SLC36A1: variants seen among roughly 807,000 people sequenced by gnomAD.
The protein encoded by SLC36A1 is solute carrier family 36 member 1.
In SLC36A1, 30 loss-of-function variants were observed where a neutral mutation model predicts 47.5. The observed-to-expected ratio is 0.63, with a 90% CI of 0.47 to 0.86. The LOEUF (loss-of-function observed/expected upper bound fraction) is 0.86. SLC36A1 is among the 40% of genes least tolerant of loss of function. The pLI is 0.00. For synonymous variants in SLC36A1, 255 were observed against 249.7 expected (o/e 1.02, Z -0.20); for missense variants, 517 against 606.0 (o/e 0.85, Z 1.54).
the SLC36A1 span, among the ~76,000 whole-genome samples, chr5:151,534,973 A>ATATATATATATATATATATATG: frequency 2.5e-5 from 2 of 80,056 alleles, no homozygotes; most frequent in Non-Finnish European, 4.6e-5. Context: ...CTAGGAAAAT[A>ATATATATATATATATATATATG]TATATATATA....
the SLC36A1 span, among the ~76,000 whole-genome samples, chr5:151,382,756 C>T: frequency 1.3e-5 from 2 of 152,214 alleles, no homozygotes; most frequent in African/African-American, 4.8e-5. Context: ...TGAGTGACAA[C>T]ATGAGTGAGT....
chr5:151,521,983 A>G, the SLC36A1 span: 1 of 1,614,186 alleles, frequency 6.2e-7, no homozygotes, highest in South Asian at 1.1e-5. Flanking sequence ...AACAGTGATG[A>G]AGATCTCCAG....
chr5:151,399,845 T>C, the SLC36A1 span, among the ~76,000 whole-genome samples: 2 of 152,220 alleles, frequency 1.3e-5, no homozygotes, highest in Non-Finnish European at 2.9e-5. Context: ...TAAGGGATCA[T>C]GAAGCAAAAT....
chr5:151,372,200 G>T, the SLC36A1 span, among the ~76,000 whole-genome samples: 1 of 152,086 alleles, frequency 6.6e-6, no homozygotes, highest in Admixed American at 6.5e-5. Flanking sequence ...TGTTGTCCTG[G>T]TCTTTCTCTA....
At chr5:151,427,514 C>T in the SLC36A1 span, among the ~76,000 whole-genome samples, 2 of 152,162 alleles carry the variant, frequency 1.3e-5, no homozygotes, top group Admixed American at 1.3e-4. Context: ...GGGCTTAGTT[C>T]CTTATTTTTC....
chr5:151,407,630 G>A, the SLC36A1 span, among the ~76,000 whole-genome samples: 2 of 152,164 alleles, frequency 1.3e-5, no homozygotes, highest in Non-Finnish European at 2.9e-5. Flanking sequence ...AAGCCCAGCC[G>A]GCTTCACCTC....
At chr5:151,521,262 G>A in the SLC36A1 span, 3 of 1,587,040 alleles carry the variant, frequency 1.9e-6, no homozygotes, top group Non-Finnish European at 2.6e-6. Flanking sequence ...CCCTAGGGAA[G>A]ATGTAGTACT....
At chr5:151,545,800 A>G in the SLC36A1 span, 5 of 1,614,110 alleles carry the variant, frequency 3.1e-6, no homozygotes, top group Admixed American at 1.7e-5. Context: ...ATCCATGATC[A>G]TGCTATACAG....
chr5:151,482,392 A>G (rs1011488498), intron 10 of SLC36A1, among the ~76,000 whole-genome samples: 1 of 152,278 alleles, frequency 6.6e-6, no homozygotes. Flanking sequence ...GTGATTCTGT[A>G]TAGGTGCTTT....
rs1174967644 is a variant in SLC36A1, at chr5:151,488,414, AG to A, written c.*163del. 2 of 905,468 alleles carry A rather than the reference AG, an allele frequency of 2.2e-6. No individual in the cohort carries two copies. The highest frequency in any genetic ancestry group is 2.9e-5 in the Admixed American group (1 of 34,228). 56.1% of individuals were successfully genotyped at this position (905,468 alleles called of 1,614,324 possible). ...TGGATACCCTGGGCCAGGTAACCTGAGGGCAGGGGAGAGGTGGGGTGGCAGA... is the reference window on the plus strand; with the variant it reads ...TGGATACCCTGGGCCAGGTAACCTGAGGCAGGGGAGAGGTGGGGTGGCAGA... On this transcript the variant is annotated 3_prime_UTR_variant, in exon 11 of 11. Transcript: ENST00000243389.
the SLC36A1 span, among the ~76,000 whole-genome samples, chr5:151,416,517 A>G: frequency 6.6e-6 from 1 of 152,212 alleles, no homozygotes; most frequent in South Asian, 2.1e-4. Flanking sequence ...CTAAATTGAC[A>G]ATGATTTATT....
At chr5:151,385,035 TGTGA>T in the SLC36A1 span, among the ~76,000 whole-genome samples, 1,330 of 149,852 alleles carry the variant, frequency 8.9e-3, 30 homozygotes, top group East Asian at 0.11. Context: ...TGTGTGTGTG[TGTGA>T]GAGAGAGAGA....
At chr5:151,537,905 T>C in the SLC36A1 span, 5 of 1,614,002 alleles carry the variant, frequency 3.1e-6, no homozygotes, top group South Asian at 1.1e-5. Context: ...AAATGAAGTG[T>C]CCTGGAAATA....
rs1759853673 is a variant in SLC36A1 at position 151,488,530 on chromosome 5, C to T, written c.*276C>T. 1 of 469,102 alleles carries T rather than the reference C, an allele frequency of 2.1e-6. No homozygotes were observed. The highest frequency in any genetic ancestry group is 3.8e-5 in the East Asian group (1 of 26,486). 29.1% of individuals were successfully genotyped at this position (469,102 alleles called of 1,614,324 possible). Reference sequence around the variant, plus strand: ...TTTCCAGCTCCCCCTCATCATGCCTCCTCCTTCCTACCTGCCTCCCCTCTG... The same window carrying T: ...TTTCCAGCTCCCCCTCATCATGCCTTCTCCTTCCTACCTGCCTCCCCTCTG... On this transcript the variant is annotated 3_prime_UTR_variant, in exon 11 of 11. Coordinates refer to ENST00000243389, the MANE Select transcript of SLC36A1 (RefSeq NM_078483.4).
At chr5:151,347,338 A>G in the SLC36A1 span, 1 of 1,614,226 alleles carries the variant, frequency 6.2e-7, no homozygotes, top group Non-Finnish European at 8.5e-7. Flanking sequence ...ACTCTGAAGG[A>G]CTTTCATCCA....
At chr5:151,453,608 G>A (rs1002117560) in intron 1 of SLC36A1, among the ~76,000 whole-genome samples, 1 of 152,042 alleles carries the variant, frequency 6.6e-6, no homozygotes, top group African/African-American at 2.4e-5. Context: ...AGAAGTGAAA[G>A]TGTACTTAGA....
chr5:151,399,189 C>T, the SLC36A1 span, among the ~76,000 whole-genome samples: 30 of 149,202 alleles, frequency 2.0e-4, no homozygotes, highest in South Asian at 1.1e-3. Flanking sequence ...CAGGTTCAAG[C>T]GATTCTCTTG....
chr5:151,545,456 G>A, the SLC36A1 span: 1 of 1,614,180 alleles, frequency 6.2e-7, no homozygotes, highest in Non-Finnish European at 8.5e-7. Context: ...ACCATGAGAA[G>A]CTCCATGCCT....
At chr5:151,393,254 G>C in the SLC36A1 span, among the ~76,000 whole-genome samples, 487 of 152,048 alleles carry the variant, frequency 3.2e-3, 8 homozygotes, top group African/African-American at 0.011. Context: ...CCATTTGCTT[G>C]GTAGTTCTTC....
Sources: allele counts gnomAD v4.1 joint callset (sites outside exome capture counted in the v4.1 genomes callset), GRCh38; gene constraint gnomAD v4.1.1; transcripts MANE v1.5; gene names NCBI Gene and HGNC (gene_info 2026-07-23, HGNC 2026-07-21).